The following GRIP2 variants were observed in gnomAD, a reference collection of about 807,000 sequenced individuals.
The protein encoded by GRIP2 is glutamate receptor-interacting protein 2.
A neutral mutation model predicts 108.3 loss-of-function variants in GRIP2; 58 were observed. The observed-to-expected ratio is 0.54, with a 90% CI of 0.43 to 0.67. The LOEUF is 0.67. Ranked by LOEUF, GRIP2 falls within the 30% of genes least tolerant of loss-of-function variation. The probability of loss-of-function intolerance (pLI) is 0.00; values close to 1 mark genes in which losing one functional copy is unlikely to be tolerated. For synonymous variants in GRIP2, 586 were observed against 598.2 expected, an observed-to-expected ratio of 0.98 and a Z score of 0.30; for missense variants, 1,278 against 1,430.6, an observed-to-expected ratio of 0.89 and a Z score of 1.72.
intron 11 of GRIP2, among the ~76,000 whole-genome samples, chr3:14,515,059 T>A (rs945578198): frequency 5.9e-5 from 9 of 152,238 alleles, no homozygotes; most frequent in African/African-American, 1.9e-4. Flanking sequence ...CATTTGCCTG[T>A]TCTGGGCACT....
intron 5 of GRIP2, 130 bp from the exon 6 acceptor site, chr3:14,523,205 C>T: frequency 2.9e-6 from 2 of 694,754 alleles, no homozygotes; most frequent in South Asian, 3.7e-5. Flanking sequence ...ATCCATGGAC[C>T]CTCTTATGAG....
At chr3:14,573,953 G>A in the GRIP2 span, 61 of 1,085,614 alleles carry the variant, frequency 5.6e-5, no homozygotes, top group Non-Finnish European at 8.2e-5. Context: ...CTGCGCGAAT[G>A]AAGCTGTGCA....
intron 1 of GRIP2, among the ~76,000 whole-genome samples, chr3:14,551,020 G>A (rs928721484): frequency 6.6e-6 from 1 of 152,194 alleles, no homozygotes; most frequent in Non-Finnish European, 1.5e-5. Flanking sequence ...GGGAGTGAGT[G>A]AGCGGGAGGG....
intron 13 of GRIP2, among the ~76,000 whole-genome samples, chr3:14,513,072 C>T (rs897305509): frequency 1.5e-4 from 23 of 152,226 alleles, no homozygotes; most frequent in African/African-American, 5.1e-4. Flanking sequence ...AGACCAGAGT[C>T]GGGGCTGGAA....
the GRIP2 span, among the ~76,000 whole-genome samples, chr3:14,572,619 A>AAAAAAAAAAAAAAAAG: frequency 6.8e-6 from 1 of 148,078 alleles, no homozygotes; most frequent in African/African-American, 2.5e-5. Flanking sequence ...CTCAAAAAAA[A>AAAAAAAAAAAAAAAAG]AAAAAAAAAA....
the GRIP2 span, among the ~76,000 whole-genome samples, chr3:14,596,648 C>G: frequency 1.3e-5 from 2 of 152,104 alleles, no homozygotes; most frequent in African/African-American, 4.8e-5. Flanking sequence ...TATATGAGCA[C>G]TTAACATAAA....
At chr3:14,574,115 C>G in the GRIP2 span, 1 of 1,065,592 alleles carries the variant, frequency 9.4e-7, no homozygotes, top group South Asian at 1.3e-5. Context: ...TCGTTTCATG[C>G]TGTGAGAAGT....
chr3:14,509,915 G>C lies in GRIP2; in HGVS notation c.1983C>G (p.Arg661=). 1 of 1,551,668 alleles carries C rather than the reference G, an allele frequency of 6.4e-7. No individual in the cohort carries two copies. Among genetic ancestry groups the C allele is most frequent in the Non-Finnish European group, 8.7e-7 (1 of 1,148,042 alleles). Residue 661 remains arginine (R), a synonymous_variant, in exon 17 of 24, where the codon CGC becomes CGG. Transcript: ENST00000621039. The part of the protein sequence containing the change: ...GAVSYTVELK[R]YGGPLGITIS... Reference sequence around the variant, plus strand: ...TGGTGATGCCCAGGGGACCCCCGTAGCGCTTCAGCTCCACTGTGTAACTGA... The same window carrying C: ...TGGTGATGCCCAGGGGACCCCCGTACCGCTTCAGCTCCACTGTGTAACTGA...
intron 21 of GRIP2, among the ~76,000 whole-genome samples, chr3:14,502,679 C>A (rs1205079170): frequency 1.3e-5 from 2 of 152,136 alleles, no homozygotes; most frequent in Non-Finnish European, 1.5e-5. Context: ...AAATTCATAG[C>A]TTTAAAAGAT....
the GRIP2 span, chr3:14,574,103 C>T: frequency 8.8e-7 from 1 of 1,140,564 alleles, no homozygotes; most frequent in African/African-American, 1.5e-5. Flanking sequence ...GAATCGAGTC[C>T]ATCGTTTCAT....
the GRIP2 span, among the ~76,000 whole-genome samples, chr3:14,597,595 G>T: frequency 3.3e-5 from 5 of 152,128 alleles, no homozygotes; most frequent in African/African-American, 1.2e-4. Context: ...AGCCTACCCA[G>T]GCTGCTGCCT....
chr3:14,569,538 G>A, the GRIP2 span, among the ~76,000 whole-genome samples: 16 of 152,176 alleles, frequency 1.1e-4, no homozygotes, highest in East Asian at 1.9e-4. Context: ...TCTGGTTGCC[G>A]GATCGTGGGA....
Position 14,507,020 on chromosome 3 carries a change from A to T in GRIP2, c.2219-40T>A, listed in dbSNP as rs1469362637. On this transcript the variant is annotated intron_variant, in intron 18 of 23. Coordinates refer to ENST00000621039, the MANE Select transcript of GRIP2 (RefSeq NM_001080423.4). The surrounding 1 kb of genome is among the most constrained non-coding windows in gnomAD (Gnocchi z 4.6). ...GGGTGTCAATTCTGACTTCAGAGAC[A>T]CTCACAGTGAGCCTCAGTTTCTGCA... 6.5e-7 allele frequency: 1 copy of T among 1,528,418 alleles called. No homozygotes were observed. The highest frequency in any genetic ancestry group is 8.9e-7 in the Non-Finnish European group (1 of 1,129,234). 94.7% of individuals were successfully genotyped at this position (1,528,418 alleles called of 1,614,324 possible). A position where few individuals can be genotyped will look rare whatever the true frequency, so the allele number is the denominator to read the frequency against.
chr3:14,558,288 A>G (rs1224988709), upstream of GRIP2, among the ~76,000 whole-genome samples: 1 of 152,126 alleles, frequency 6.6e-6, no homozygotes, highest in Non-Finnish European at 1.5e-5. Flanking sequence ...CCCAGGGAGC[A>G]CCCCTTATAA....
At chr3:14,585,195 G>A in the GRIP2 span, among the ~76,000 whole-genome samples, 113,341 of 152,098 alleles carry the variant, frequency 0.75, 42,865 homozygotes, top group South Asian at 0.87. Flanking sequence ...GCTAATTTTT[G>A]TATTTTTGGT....
At chr3:14,549,130 C>A (rs1695103143) in intron 1 of GRIP2, among the ~76,000 whole-genome samples, 1 of 152,228 alleles carries the variant, frequency 6.6e-6, no homozygotes, top group African/African-American at 2.4e-5. Flanking sequence ...AAGTGCTACA[C>A]AAGTGTTTGC....
At chr3:14,520,666 T>C (rs1167720631) in intron 7 of GRIP2, 129 bp from the exon 8 acceptor site, 3 of 864,366 alleles carry the variant, frequency 3.5e-6, no homozygotes, top group African/African-American at 1.7e-5. Flanking sequence ...TTAACATAAT[T>C]TTTTATTCCT....
At chr3:14,556,175 T>C, upstream of GRIP2, 1 of 393,032 alleles carries the variant, frequency 2.5e-6, no homozygotes, top group Non-Finnish European at 4.5e-6. Flanking sequence ...CAGCCGGGCC[T>C]GGGGAGTGCA....
the GRIP2 span, among the ~76,000 whole-genome samples, chr3:14,585,233 G>A: frequency 6.6e-6 from 1 of 152,202 alleles, no homozygotes; most frequent in African/African-American, 2.4e-5. Flanking sequence ...ATATTGACCA[G>A]GCTGATCTTG....
Sources: gnomAD v4.1 joint callset for allele counts (sites outside exome capture counted in the v4.1 genomes callset) on GRCh38, gnomAD v4.1.1 for gene constraint, Gnocchi (gnomAD v3.1) non-coding constraint, MANE v1.5 for transcripts, NCBI Gene and HGNC (gene_info 2026-07-23, HGNC 2026-07-21) for gene names.